Variants in MYH10 observed in about 807,000 individuals in gnomAD.
MYH10 encodes myosin heavy chain 10, also known as myosin-10.
MYH10 carries 55 observed loss-of-function variants against 257.8 expected under a neutral mutation model. That is an observed-to-expected ratio of 0.21 (90% CI 0.17 to 0.27). MYH10 has a LOEUF of 0.27. Among genes scored for constraint, MYH10 ranks in the 10% least tolerant of loss-of-function variants. MYH10 has a pLI of 1.00. For synonymous variants in MYH10, 854 were observed against 921.7 expected (o/e 0.93, Z 1.33); for missense variants, 1,631 against 2,500.6 (o/e 0.65, Z 7.42).
chr17:8,496,035 T>C (rs192352242), intron 30 of MYH10, among the ~76,000 whole-genome samples: 165 of 152,350 alleles, frequency 1.1e-3, no homozygotes, highest in Admixed American at 3.7e-3. Context: ...TTCAAAAAAC[T>C]GGTATTATAT....
Position 8,604,090 on chromosome 17 carries a change from A to T in MYH10, c.502+736T>A, listed in dbSNP as rs1182035425. Among the ~76,000 whole-genome samples, 4 of 146,024 alleles carry T rather than the reference A, an allele frequency of 2.7e-5. No homozygotes were observed. In the East Asian group the frequency reaches 7.7e-4, roughly 28 times the overall value. On this transcript the variant is annotated intron_variant, in intron 3 of 42. Transcript: ENST00000360416. Reference sequence around the variant, plus strand: ...TTTCTGAAGATTGTGGAACGATTTTATAAGAACCTTATGCTTTTTATTAAA... The same window carrying T: ...TTTCTGAAGATTGTGGAACGATTTTTTAAGAACCTTATGCTTTTTATTAAA...
In MYH10 at chr17:8,504,848, C is replaced by A. The variant is rs775747892; in HGVS notation, c.3445G>T (p.Ala1149Ser). 5.6e-6 allele frequency: 9 copies of A among 1,614,224 alleles called. No individual in the cohort carries two copies. In the South Asian group the frequency reaches 9.9e-5, roughly 18 times the overall value. Residue 1149 changes from alanine (A) to serine (S), a missense_variant, in exon 28 of 43, where the codon GCC becomes TCC. Transcript: ENST00000360416. This position sits in a 1 kb window ranked among gnomAD's most constrained non-coding sequence, Gnocchi z 5.6. The part of the protein sequence containing the change: ...NALKVVRELQ[A>S]QIAELQEDFE... ...TCTTCCTGAAGTTCAGCAATTTGGG[C>A]TTGTAGCTCTCGCACAACTTTAAGG...
At chr17:8,508,717 G>A (rs201432668) in intron 25 of MYH10, 40 bp from the exon 26 acceptor site, 413 of 1,610,904 alleles carry the variant, frequency 2.6e-4, no homozygotes, top group Non-Finnish European at 3.3e-4. Context: ...AAGCCATTCA[G>A]AATGACCACT....
At chr17:8,562,504 A>G (rs1253148112) in intron 7 of MYH10, among the ~76,000 whole-genome samples, 2 of 152,248 alleles carry the variant, frequency 1.3e-5, no homozygotes, top group African/African-American at 4.8e-5. Context: ...TGGGAACGCT[A>G]TCTTTAAACA....
chr17:8,530,820 T>C (rs1384738252), intron 16 of MYH10, 135 bp from the exon 17 acceptor site: 7 of 604,904 alleles, frequency 1.2e-5, no homozygotes, highest in Non-Finnish European at 2.0e-5. Flanking sequence ...GCAGATCCCA[T>C]GCAAACATGA....
At chr17:8,557,207 TAAAA>T (rs1367673259) in intron 7 of MYH10, among the ~76,000 whole-genome samples, 1 of 152,112 alleles carries the variant, frequency 6.6e-6, no homozygotes. Context: ...TAGTTGATTT[TAAAA>T]AAAGAAAAGA....
chr17:8,476,096 A>G, intron 42 of MYH10, 148 bp from the exon 43 acceptor site: 1 of 936,624 alleles, frequency 1.1e-6, no homozygotes, highest in East Asian at 2.6e-5. Flanking sequence ...ACGATGGGGA[A>G]GGACTGCGTG....
intron 9 of MYH10, among the ~76,000 whole-genome samples, chr17:8,549,933 G>A (rs1484584764): frequency 1.3e-5 from 2 of 151,190 alleles, no homozygotes; most frequent in Admixed American, 6.6e-5. Context: ...CAAGTGATCC[G>A]CCAGCCTCGG....
chr17:8,534,881 T>C (rs1050120249), intron 16 of MYH10, among the ~76,000 whole-genome samples: 2 of 152,240 alleles, frequency 1.3e-5, no homozygotes, highest in African/African-American at 4.8e-5. Context: ...ATTCTTCAAC[T>C]GAGGTTCATA....
rs1041949263 is a variant in MYH10, at chr17:8,627,204, T to G, written c.-32+3450A>C. Among the ~76,000 whole-genome samples, 3 of 152,302 alleles carry G rather than the reference T, an allele frequency of 2.0e-5. No homozygotes were observed. In the East Asian group the frequency reaches 5.8e-4, roughly 29 times the overall value. ...TGGGTAGTAGGATTACCAATGACTTTCACCTTTTCAGTCTCTTCTACAACT... is the reference window on the plus strand; with the variant it reads ...TGGGTAGTAGGATTACCAATGACTTGCACCTTTTCAGTCTCTTCTACAACT... On this transcript the variant is annotated intron_variant, in intron 1 of 42. Transcript: ENST00000360416.
At chr17:8,520,812 C>A in intron 19 of MYH10, 66 bp downstream of exon 19, 1 of 1,488,634 alleles carries the variant, frequency 6.7e-7, no homozygotes. Flanking sequence ...CTTATTTTAT[C>A]ACTGTTTTAA....
chr17:8,540,065 C>T (rs996742697), intron 14 of MYH10, among the ~76,000 whole-genome samples: 1 of 152,218 alleles, frequency 6.6e-6, no homozygotes, highest in African/African-American at 2.4e-5. Context: ...TCTCGGCTCA[C>T]TGCAACCTCT....
Position 8,623,024 on chromosome 17 carries a change from C to A in MYH10, c.223G>T (p.Asp75Tyr). The A allele has an allele frequency of 6.2e-7, 1 of 1,614,202 alleles. No homozygotes were observed. The highest frequency in any genetic ancestry group is 8.5e-7 in the Non-Finnish European group (1 of 1,180,034). ...NGKKAMVNKD[D>Y]IQKMNPPKFS... The stretch of plus-strand genomic sequence containing the variant: ...TTAGGTGGGTTCATCTTCTGAATAT[C>A]ATCTTTGTTGACCATTGCTTTCTTT... The change falls in exon 2 of 43, where the codon GAT becomes TAT. Residue 75 changes from aspartate (D) to tyrosine (Y), a missense_variant. Physicochemically the swap from Asp to Tyr is radical, Grantham distance 160. Coordinates refer to ENST00000360416, the MANE Select transcript of MYH10 (RefSeq NM_001256012.3).
chr17:8,613,492 T>C (rs1487183279), intron 2 of MYH10, among the ~76,000 whole-genome samples: 1 of 152,102 alleles, frequency 6.6e-6, no homozygotes, highest in Non-Finnish European at 1.5e-5. Flanking sequence ...CCTATCATGA[T>C]CTACAAAAGA....
intron 37 of MYH10, among the ~76,000 whole-genome samples, chr17:8,482,000 T>C (rs1213769680): frequency 3.3e-5 from 5 of 152,228 alleles, no homozygotes; most frequent in African/African-American, 1.2e-4. Context: ...CACAGGGGGC[T>C]CTCAGAGGAC....
rs372543566 is a variant in MYH10, at chr17:8,569,046, T to TA, written c.756+673dup. 3.4e-3 allele frequency among the ~76,000 whole-genome samples: 475 copies of TA among 139,396 alleles called. 1 individual carries two copies. Among genetic ancestry groups the TA allele is most frequent in the African/African-American group, 7.2e-3 (276 of 38,356 alleles). 91.4% of individuals were successfully genotyped at this position (139,396 alleles called of 152,430 possible). ...GACAACATAGTGAGACCCTAGTCTC[T>TA]AAAAAAAAAAAAGTTACTCTTTTAA... On this transcript the variant is annotated intron_variant, in intron 7 of 42. Transcript: ENST00000360416. The surrounding 1 kb of genome is among the most constrained non-coding windows in gnomAD (Gnocchi z 4.1).
intron 11 of MYH10, among the ~76,000 whole-genome samples, chr17:8,548,067 C>T (rs917847130): frequency 1.3e-5 from 2 of 151,964 alleles, no homozygotes; most frequent in Non-Finnish European, 2.9e-5. Context: ...GAGTTCTCCT[C>T]CCTCAATTCC....
chr17:8,602,347 G>C (rs998006990), intron 3 of MYH10, among the ~76,000 whole-genome samples: 1 of 152,112 alleles, frequency 6.6e-6, no homozygotes, highest in African/African-American at 2.4e-5. Flanking sequence ...AGATCAGTGG[G>C]GCCACGTGCT....
Position 8,525,816 on chromosome 17 carries a change from G to A in MYH10, c.1958-4531C>T, listed in dbSNP as rs571439635. Reference sequence around the variant, plus strand: ...TTCTTGTTTTTTGTTTTTTTGAGATGGAGTCTTGCTCTGTCACCCAGGCTG... The same window carrying A: ...TTCTTGTTTTTTGTTTTTTTGAGATAGAGTCTTGCTCTGTCACCCAGGCTG... On this transcript the variant is annotated intron_variant, in intron 17 of 42. Coordinates refer to ENST00000360416, the MANE Select transcript of MYH10 (RefSeq NM_001256012.3). Among the ~76,000 whole-genome samples the A allele has an allele frequency of 9.9e-5, 15 of 151,898 alleles. No homozygotes were observed. The South Asian group carries it at 2.9e-3, about 30-fold the overall frequency.
Sources: gnomAD v4.1 joint callset for allele counts (sites outside exome capture counted in the v4.1 genomes callset) on GRCh38, gnomAD v4.1.1 for gene constraint, Gnocchi (gnomAD v3.1) non-coding constraint, MANE v1.5 for transcripts, NCBI Gene and HGNC (gene_info 2026-07-23, HGNC 2026-07-21) for gene names.